Variants in ZNF292 observed in about 807,000 individuals in gnomAD.
ZNF292 encodes the protein zinc finger protein 292.
In ZNF292, 26 loss-of-function variants were observed where a neutral mutation model predicts 217.9. The ratio of observed to expected loss-of-function variants is 0.12; its 90% CI spans 0.09 to 0.17. The LOEUF is 0.17. Among genes scored for constraint, ZNF292 ranks in the 10% least tolerant of loss-of-function variants. The pLI is 1.00. For synonymous variants in ZNF292, 1,257 were observed against 1,124.1 expected (o/e 1.12, Z -2.37); for missense variants, 2,904 against 3,175.2 (o/e 0.91, Z 2.05).
At chr6:87,194,591 G>A (rs1554197283) in intron 1 of ZNF292, among the ~76,000 whole-genome samples, 1 of 151,794 alleles carries the variant, frequency 6.6e-6, no homozygotes, top group Non-Finnish European at 1.5e-5. Context: ...AAGAAATGGT[G>A]GATTTCCATT....
In ZNF292 at chr6:87,167,193, C is replaced by T. The variant is rs115598178; in HGVS notation, c.168+11434C>T. Among the ~76,000 whole-genome samples the T allele has an allele frequency of 7.5e-3, 1,141 of 152,232 alleles. 21 individuals carry two copies. The highest frequency in any genetic ancestry group is 0.025 in the African/African-American group (1,031 of 41,510). On this transcript the variant is annotated intron_variant, in intron 1 of 7. Transcript: ENST00000369577. ...TTATTCCATTAGCAGTTACTTGGTG[C>T]GTGATTTGTGGCAGACACTGTACTA...
chr6:87,259,607 A>G lies in ZNF292; in HGVS notation c.5978A>G (p.Gln1993Arg). 6.3e-7 allele frequency: 1 copy of G among 1,579,540 alleles called. No homozygotes were observed. Among genetic ancestry groups the G allele is most frequent in the Non-Finnish European group, 8.6e-7 (1 of 1,161,816 alleles). The change falls in exon 8 of 8, where the codon CAG (glutamine) becomes CGG (arginine). Residue 1993 changes from glutamine (Q) to arginine (R), a missense_variant. This residue lies in a region of ZNF292 where 261 missense variants were observed against 272.8 expected (regional missense o/e 0.96). Transcript: ENST00000369577. ...AAAAGGCCTTATGGAAGAAAATCTC[A>G]GAGTGAAAATGTGCCGGCCTCACGA... ...KIKRPYGRKS[Q>R]SENVPASRST...
chr6:87,258,629 C>G lies in ZNF292; in HGVS notation c.5000C>G (p.Thr1667Ser), dbSNP rs1056618866. ...GCAAAGAGTGTTGAAATCCCAACTA[C>G]TAACCTTCATTCAAATGTAATTCCA... ...LIAKSVEIPT[T>S]NLHSNVIPTC... Residue 1667 changes from threonine to serine, a missense_variant, in exon 8 of 8, where the codon ACT becomes AGT. By Grantham distance (58) the Thr-to-Ser change is moderately conservative. Transcript: ENST00000369577. The G allele has an allele frequency of 6.2e-7, 1 of 1,613,592 alleles. No individual in the cohort carries two copies. The highest frequency in any genetic ancestry group is 1.7e-5 in the Admixed American group (1 of 59,886).
chr6:87,256,749 A>G lies in ZNF292; in HGVS notation c.3120A>G (p.Gln1040=), dbSNP rs369021831. ...CTGTGCAAAATCAGGCAGCATTTCA[A>G]AACAATTTACCAACTTCCAAATTTG... ...TFSVQNQAAF[Q]NNLPTSKFEC... is the part of the protein sequence containing the mutation. Residue 1040 remains glutamine (Q), a synonymous_variant, in exon 8 of 8, where the codon CAA becomes CAG. Transcript: ENST00000369577. 3 of 1,612,656 alleles carry G rather than the reference A, an allele frequency of 1.9e-6. No individual in the cohort carries two copies. The highest frequency in any genetic ancestry group is 1.7e-6 in the Non-Finnish European group (2 of 1,179,820).
At chr6:87,224,762 G>A (rs184929714) in intron 4 of ZNF292, among the ~76,000 whole-genome samples, 6 of 152,270 alleles carry the variant, frequency 3.9e-5, no homozygotes, top group Admixed American at 3.9e-4. Flanking sequence ...GTACAGCCAT[G>A]TAATGGATGC....
intron 4 of ZNF292, among the ~76,000 whole-genome samples, 181 bp downstream of exon 4, chr6:87,218,912 G>A (rs552425725): frequency 2.6e-5 from 4 of 152,118 alleles, no homozygotes; most frequent in Non-Finnish European, 4.4e-5. Context: ...GAATTTATAC[G>A]ATTATAGAAT....
At chr6:87,222,242 T>C (rs1173179820) in intron 4 of ZNF292, among the ~76,000 whole-genome samples, 4 of 152,136 alleles carry the variant, frequency 2.6e-5, no homozygotes, top group African/African-American at 9.7e-5. Flanking sequence ...ATCATAACCA[T>C]AAAAAGGTCA....
intron 1 of ZNF292, among the ~76,000 whole-genome samples, chr6:87,164,865 C>CT (rs1770864372): frequency 2.0e-5 from 3 of 149,682 alleles, no homozygotes; most frequent in African/African-American, 7.4e-5. Flanking sequence ...CCAGTTCAAG[C>CT]GAGTCTTCTG....
intron 1 of ZNF292, among the ~76,000 whole-genome samples, chr6:87,192,991 A>G (rs1256760600): frequency 6.6e-6 from 1 of 152,202 alleles, no homozygotes; most frequent in Non-Finnish European, 1.5e-5. Context: ...AACATTAAAT[A>G]TGAGGAAGTT....
intron 1 of ZNF292, among the ~76,000 whole-genome samples, chr6:87,189,049 A>G (rs982301607): frequency 7.9e-5 from 12 of 152,056 alleles, no homozygotes; most frequent in African/African-American, 2.9e-4. Context: ...TACTAGAAAT[A>G]CAAAAATTAG....
chr6:87,215,772 A>T (rs1381497046), intron 1 of ZNF292, 131 bp from the exon 2 acceptor site: 1 of 632,638 alleles, frequency 1.6e-6, no homozygotes, highest in Non-Finnish European at 2.5e-6. Context: ...ATTTTAATCA[A>T]TATAAACTAC....
intron 1 of ZNF292, among the ~76,000 whole-genome samples, chr6:87,180,192 T>TA (rs559576244): frequency 5.2e-4 from 79 of 152,356 alleles, no homozygotes; most frequent in African/African-American, 1.9e-3. Flanking sequence ...ACAAAAACCT[T>TA]ATTTACAAAT....
chr6:87,181,791 C>T (rs543123637), intron 1 of ZNF292, among the ~76,000 whole-genome samples: 1 of 152,210 alleles, frequency 6.6e-6, no homozygotes, highest in African/African-American at 2.4e-5. Flanking sequence ...AAGCAATTCT[C>T]CTGCCTCAGC....
intron 5 of ZNF292, among the ~76,000 whole-genome samples, chr6:87,236,043 A>G (rs930325383): frequency 2.6e-5 from 4 of 152,204 alleles, no homozygotes; most frequent in Non-Finnish European, 4.4e-5. Flanking sequence ...AAACTTATTC[A>G]TTGTTCCATA....
In ZNF292 at chr6:87,230,666, A is replaced by G. The variant is rs1229610113; in HGVS notation, c.539-2659A>G. On this transcript the variant is annotated intron_variant, in intron 4 of 7. Coordinates refer to ENST00000369577, the MANE Select transcript of ZNF292 (RefSeq NM_015021.3). Reference sequence around the variant, plus strand: ...GGAGAATGGCATGAACCCGGGAGGCAGAGCTTGCAGTGAGCCGAGATTGCG... The same window carrying G: ...GGAGAATGGCATGAACCCGGGAGGCGGAGCTTGCAGTGAGCCGAGATTGCG... 5.3e-5 allele frequency among the ~76,000 whole-genome samples: 8 copies of G among 151,846 alleles called. 1 individual carries two copies. The highest frequency in any genetic ancestry group is 5.2e-4 in the Admixed American group (8 of 15,254).
At chr6:87,233,189 T>G (rs963963381) in intron 4 of ZNF292, 136 bp from the exon 5 acceptor site, 1 of 633,822 alleles carries the variant, frequency 1.6e-6, no homozygotes, top group African/African-American at 1.8e-5. Flanking sequence ...TCTTTTGTGA[T>G]AGCCTTACTA....
Position 87,257,071 on chromosome 6 carries a change from C to A in ZNF292, c.3442C>A (p.Pro1148Thr), listed in dbSNP as rs780324757. Residue 1148 changes from proline to threonine, a missense_variant, in exon 8 of 8, where the codon CCA (proline) becomes ACA (threonine). Physicochemically the swap from Pro to Thr is conservative, Grantham distance 38. This residue lies in a region of ZNF292 where 687 missense variants were observed against 623.0 expected (regional missense o/e 1.10). Transcript: ENST00000369577. Reference protein sequence around the residue: ...KGQKANNLNTPNNGKFVYFLP... With the variant: ...KGQKANNLNTTNNGKFVYFLP... The stretch of plus-strand genomic sequence containing the variant: ...TCAGAAAGCTAACAACTTAAATACA[C>A]CAAATAATGGAAAGTTTGTTTATTT... The A allele has an allele frequency of 1.2e-6, 2 of 1,613,844 alleles. No individual in the cohort carries two copies. The highest frequency in any genetic ancestry group is 2.2e-5 in the South Asian group (2 of 91,080).
At chr6:87,216,273 C>G in intron 2 of ZNF292, 26 bp from the exon 3 acceptor site, 5 of 1,542,660 alleles carry the variant, frequency 3.2e-6, no homozygotes, top group Non-Finnish European at 4.4e-6. Context: ...AATTATTCCT[C>G]TCCTTACCAA....
At chr6:87,212,983 G>A (rs1772569195) in intron 1 of ZNF292, among the ~76,000 whole-genome samples, 1 of 152,294 alleles carries the variant, frequency 6.6e-6, no homozygotes, top group East Asian at 1.9e-4. Context: ...TTCATCCTCT[G>A]AAGGTTCACT....
Sources: gnomAD v4.1 joint callset for allele counts (sites outside exome capture counted in the v4.1 genomes callset) on GRCh38, gnomAD v4.1.1 for gene constraint, gnomAD v4.1.1 regional missense constraint, MANE v1.5 for transcripts, NCBI Gene and HGNC (gene_info 2026-07-23, HGNC 2026-07-21) for gene names.